TFCP2: variants seen among roughly 807,000 people sequenced by gnomAD.
TFCP2 encodes alpha-globin transcription factor CP2.
A neutral mutation model predicts 73.4 loss-of-function variants in TFCP2; 33 were observed. That is an observed-to-expected ratio of 0.45 (90% CI 0.34 to 0.60). TFCP2 has a LOEUF of 0.60. Among genes scored for constraint, TFCP2 ranks in the 20% least tolerant of loss-of-function variants. TFCP2 has a pLI of 0.01. For synonymous variants in TFCP2, 193 were observed against 211.6 expected (o/e 0.91, Z 0.76); for missense variants, 352 against 604.0 (o/e 0.58, Z 4.37).
chr12:51,098,772 C>CT lies in TFCP2; in HGVS notation c.1419+3dup, dbSNP rs1940031790. 1.2e-6 allele frequency: 2 copies of CT among 1,614,090 alleles called. No individual in the cohort carries two copies. Among genetic ancestry groups the CT allele is most frequent in the African/African-American group, 2.7e-5 (2 of 75,046 alleles). On this transcript the variant is annotated splice_donor_region_variant and intron_variant, in intron 13 of 14. Coordinates refer to ENST00000257915, the MANE Select transcript of TFCP2 (RefSeq NM_005653.5). The stretch of plus-strand genomic sequence containing the variant: ...TGGTAATTCAACTGTACTGAAAAAT[C>CT]TACCTCATCACTGATGAGCACATGA...
chr12:51,106,768 T>C (rs554588854), intron 7 of TFCP2, 155 bp from the exon 8 acceptor site: 10 of 633,550 alleles, frequency 1.6e-5, no homozygotes, highest in Non-Finnish European at 2.7e-5. Flanking sequence ...CTTTCCGCCA[T>C]CTTGGAGCCT....
intron 1 of TFCP2, among the ~76,000 whole-genome samples, chr12:51,151,642 T>C (rs1941428951): frequency 6.6e-6 from 1 of 152,116 alleles, no homozygotes; most frequent in South Asian, 2.1e-4. Context: ...TTCACCGTGT[T>C]AGCCAGGATG....
At chr12:51,153,569 C>CT in intron 1 of TFCP2, among the ~76,000 whole-genome samples, 2 of 148,300 alleles carry the variant, frequency 1.3e-5, no homozygotes, top group Middle Eastern at 3.4e-3. Flanking sequence ...ACTACTCACT[C>CT]CCCTCTCCTG....
chr12:51,102,787 A>G (rs894294269), intron 10 of TFCP2, among the ~76,000 whole-genome samples: 1 of 152,092 alleles, frequency 6.6e-6, no homozygotes, highest in Non-Finnish European at 1.5e-5. Flanking sequence ...CCTAACACCA[A>G]TCCTCCCATG....
chr12:51,098,688 G>C (rs548195409), intron 13 of TFCP2, 88 bp downstream of exon 13: 2 of 1,449,026 alleles, frequency 1.4e-6, no homozygotes, highest in African/African-American at 1.4e-5. Flanking sequence ...CTAGAAAACA[G>C]AACACTCTGC....
chr12:51,129,493 C>T (rs1235554487), intron 1 of TFCP2, among the ~76,000 whole-genome samples: 3 of 138,480 alleles, frequency 2.2e-5, no homozygotes, highest in South Asian at 2.3e-4. Flanking sequence ...CCAGCTCGGG[C>T]GACAGTGAAA....
chr12:51,098,602 G>A (rs1240491208), intron 13 of TFCP2, among the ~76,000 whole-genome samples, 174 bp downstream of exon 13: 3 of 151,882 alleles, frequency 2.0e-5, no homozygotes, highest in East Asian at 3.9e-4. Flanking sequence ...CTCCGGCCTG[G>A]GCAACAGAGA....
At chr12:51,159,157 C>T (rs1205250555) in intron 1 of TFCP2, among the ~76,000 whole-genome samples, 3 of 134,982 alleles carry the variant, frequency 2.2e-5, no homozygotes, top group Non-Finnish European at 4.7e-5. Flanking sequence ...CCAGCCTGGG[C>T]ATCATTGTGA....
At chr12:51,103,637 G>A in intron 10 of TFCP2, 33 bp downstream of exon 10, 2 of 1,575,466 alleles carry the variant, frequency 1.3e-6, no homozygotes, top group African/African-American at 2.7e-5. Context: ...AAAATTTCAT[G>A]CTAGGGAAAA....
At chr12:51,169,918 T>C (rs755036442) in intron 1 of TFCP2, among the ~76,000 whole-genome samples, 1 of 152,214 alleles carries the variant, frequency 6.6e-6, no homozygotes, top group African/African-American at 2.4e-5. Flanking sequence ...TAAGATGGCA[T>C]AGTATCAAGA....
At chr12:51,112,254 G>C (rs1386510515) in intron 4 of TFCP2, among the ~76,000 whole-genome samples, 2 of 152,194 alleles carry the variant, frequency 1.3e-5, no homozygotes, top group African/African-American at 2.4e-5. Flanking sequence ...ATAGTGATCA[G>C]ATCAGGGTAA....
chr12:51,113,197 T>G (rs968397212), intron 4 of TFCP2, among the ~76,000 whole-genome samples: 1 of 152,248 alleles, frequency 6.6e-6, no homozygotes, highest in Non-Finnish European at 1.5e-5. Context: ...TAAGGTCAAC[T>G]TATCATACAG....
chr12:51,126,555 T>A (rs1940824047), intron 1 of TFCP2, among the ~76,000 whole-genome samples: 1 of 152,150 alleles, frequency 6.6e-6, no homozygotes, highest in Admixed American at 6.6e-5. Context: ...CTGTTCGAGA[T>A]GCTCTGTTCT....
intron 1 of TFCP2, among the ~76,000 whole-genome samples, chr12:51,157,520 G>A (rs1043895619): frequency 1.3e-5 from 2 of 151,896 alleles, no homozygotes; most frequent in Non-Finnish European, 2.9e-5. Context: ...GTTTGAGCTC[G>A]TGGGCTCAAG....
intron 1 of TFCP2, chr12:51,124,889 A>C: frequency 1.8e-6 from 2 of 1,104,066 alleles, no homozygotes; most frequent in Non-Finnish European, 2.7e-6. Flanking sequence ...ACTCCTTTCC[A>C]AAGGTCAGAT....
At chr12:51,108,764 A>G (rs1227991773) in intron 6 of TFCP2, among the ~76,000 whole-genome samples, 3 of 152,066 alleles carry the variant, frequency 2.0e-5, no homozygotes, top group Non-Finnish European at 4.4e-5. Context: ...CCCAGTCTCA[A>G]AAATAAATAA....
At chr12:51,119,705 G>A (rs1248982404) in intron 1 of TFCP2, among the ~76,000 whole-genome samples, 2 of 151,346 alleles carry the variant, frequency 1.3e-5, no homozygotes. Flanking sequence ...AGCCGAGATG[G>A]TGCCACTGCA....
At chr12:51,162,313 G>T (rs1941666097) in intron 1 of TFCP2, among the ~76,000 whole-genome samples, 1 of 152,074 alleles carries the variant, frequency 6.6e-6, no homozygotes, top group Non-Finnish European at 1.5e-5. Flanking sequence ...AGGCGTGGTA[G>T]CCCATGGCTG....
intron 1 of TFCP2, among the ~76,000 whole-genome samples, chr12:51,151,499 C>G (rs1016265727): frequency 5.3e-5 from 8 of 152,104 alleles, no homozygotes; most frequent in Non-Finnish European, 8.8e-5. Context: ...TGCAGTGGCG[C>G]GATCTCGGCT....
Sources: gnomAD v4.1 joint callset for allele counts (sites outside exome capture counted in the v4.1 genomes callset) on GRCh38, gnomAD v4.1.1 for gene constraint, MANE v1.5 for transcripts, NCBI Gene and HGNC (gene_info 2026-07-23, HGNC 2026-07-21) for gene names.